Variants in FUBP3 observed in about 807,000 individuals in gnomAD.
The protein encoded by FUBP3 is far upstream element binding protein 3.
FUBP3 carries 28 observed loss-of-function variants against 85.6 expected under a neutral mutation model. The ratio of observed to expected loss-of-function variants is 0.33; its 90% CI spans 0.24 to 0.45. The LOEUF (loss-of-function observed/expected upper bound fraction) is 0.45. Among genes scored for constraint, FUBP3 ranks in the 20% least tolerant of loss-of-function variants. The pLI is 1.00. For missense variants in FUBP3, 583 were observed against 755.1 expected (o/e 0.77, Z 2.67); for synonymous variants, 271 against 271.4 (o/e 1.00, Z 0.01).
intron 12 of FUBP3, among the ~76,000 whole-genome samples, chr9:130,629,077 A>G (rs1166164958): frequency 1.3e-5 from 2 of 152,164 alleles, no homozygotes; most frequent in African/African-American, 4.8e-5. Context: ...CCAAGTCTCT[A>G]TTCTTTATTG....
chr9:130,629,929 T>C (rs1830144304), intron 12 of FUBP3, among the ~76,000 whole-genome samples: 1 of 152,232 alleles, frequency 6.6e-6, no homozygotes, highest in African/African-American at 2.4e-5. Flanking sequence ...GGAGCTTTTA[T>C]TACGCAAATT....
At position 130,638,003 on chromosome 9, in the gene FUBP3, ATAATTT is replaced by A. The variant is rs1830473131; in HGVS notation, c.*983_*988del. ...TAGTATTAACCGCATTATGAATTAAATAATTTTGATTTAATGAAAGGGATAATATGA... is the reference window on the plus strand; with the variant it reads ...TAGTATTAACCGCATTATGAATTAAATGATTTAATGAAAGGGATAATATGA... On this transcript the variant is annotated 3_prime_UTR_variant, in exon 19 of 19. Transcript: ENST00000319725. The A allele has an allele frequency of 6.6e-6, 1 of 152,598 alleles. No individual in the cohort carries two copies. The highest frequency in any genetic ancestry group is 2.4e-5 in the African/African-American group (1 of 41,432). 9.5% of individuals were successfully genotyped at this position (152,598 alleles called of 1,614,324 possible). A position where few individuals can be genotyped will look rare whatever the true frequency, so the allele number is the denominator to read the frequency against.
Position 130,637,327 on chromosome 9 carries a change from GT to G in FUBP3, c.*309del. 1 of 363,830 alleles carries G rather than the reference GT, an allele frequency of 2.7e-6. No homozygotes were observed. The highest frequency in any genetic ancestry group is 5.1e-6 in the Non-Finnish European group (1 of 197,236). The allele number at this position is 363,830 out of a possible 1,614,324, so 22.5% of individuals were successfully genotyped here. A position where few individuals can be genotyped will look rare whatever the true frequency, so the allele number is the denominator to read the frequency against. ...AGAGCTGTGACATTTCAACATGATG[GT>G]TTTGGTTTGGTTTGGTTTTGTGTCC... On this transcript the variant is annotated 3_prime_UTR_variant, in exon 19 of 19. Transcript: ENST00000319725.
At chr9:130,604,765 G>A (rs2119052935) in intron 2 of FUBP3, among the ~76,000 whole-genome samples, 1 of 152,268 alleles carries the variant, frequency 6.6e-6, no homozygotes, top group African/African-American at 2.4e-5. Context: ...GGGCATGGTG[G>A]TGCGCGCCTT....
In FUBP3 at chr9:130,590,493, C is replaced by T. The variant is rs781001189; in HGVS notation, c.85-4990C>T. 3.7e-4 allele frequency among the ~76,000 whole-genome samples: 56 copies of T among 152,322 alleles called. 1 individual carries two copies. The highest frequency in any genetic ancestry group is 6.8e-3 in the Middle Eastern group (2 of 294). ...GTAGTGAGATAACCCATTTGCCTCCCCCTGAAAAGGGGGAAAATAACTTGT... is the reference window on the plus strand; with the variant it reads ...GTAGTGAGATAACCCATTTGCCTCCTCCTGAAAAGGGGGAAAATAACTTGT... On this transcript the variant is annotated intron_variant, in intron 1 of 18. Coordinates refer to ENST00000319725, the MANE Select transcript of FUBP3 (RefSeq NM_003934.2).
At chr9:130,619,622 AC>A (rs1829652656) in intron 8 of FUBP3, among the ~76,000 whole-genome samples, 2 of 152,188 alleles carry the variant, frequency 1.3e-5, no homozygotes, top group African/African-American at 4.8e-5. Flanking sequence ...CACAGTTCTC[AC>A]ATTCCCTTGA....
intron 2 of FUBP3, among the ~76,000 whole-genome samples, chr9:130,599,081 A>G (rs1406645622): frequency 6.6e-6 from 1 of 152,226 alleles, no homozygotes; most frequent in Non-Finnish European, 1.5e-5. Context: ...TCACGAGGTC[A>G]GGAGATTGAG....
At chr9:130,629,845 CCA>C (rs1276172676) in intron 12 of FUBP3, among the ~76,000 whole-genome samples, 1 of 152,230 alleles carries the variant, frequency 6.6e-6, no homozygotes, top group Non-Finnish European at 1.5e-5. Context: ...ACTCCATCCC[CCA>C]CAGAGTTGAG....
chr9:130,592,333 T>C (rs1229110298), intron 1 of FUBP3, among the ~76,000 whole-genome samples: 1 of 152,246 alleles, frequency 6.6e-6, no homozygotes, highest in Non-Finnish European at 1.5e-5. Context: ...TTTTGTTTTG[T>C]TTTTGAGTCA....
chr9:130,630,206 T>C (rs1175130863), intron 12 of FUBP3, among the ~76,000 whole-genome samples: 1 of 152,232 alleles, frequency 6.6e-6, no homozygotes, highest in African/African-American at 2.4e-5. Flanking sequence ...CCCATTGTCA[T>C]GGAGGCGCCC....
chr9:130,606,706 G>A (rs932642040), intron 2 of FUBP3, among the ~76,000 whole-genome samples: 2 of 152,132 alleles, frequency 1.3e-5, no homozygotes, highest in Non-Finnish European at 2.9e-5. Context: ...TGTAATCCCA[G>A]CTACTCGGGA....
At chr9:130,588,662 T>C (rs1008512894) in intron 1 of FUBP3, among the ~76,000 whole-genome samples, 1 of 152,214 alleles carries the variant, frequency 6.6e-6, no homozygotes, top group African/African-American at 2.4e-5. Flanking sequence ...GTAAGGAGAA[T>C]AGTAGCTACT....
chr9:130,614,421 C>CT (rs1351410679), intron 6 of FUBP3, 76 bp downstream of exon 6: 5 of 890,444 alleles, frequency 5.6e-6, no homozygotes, highest in Non-Finnish European at 9.2e-6. Flanking sequence ...AAGGGCAACA[C>CT]TGTTACTGAA....
chr9:130,615,123 C>T (rs529366461), intron 6 of FUBP3, among the ~76,000 whole-genome samples: 1 of 152,264 alleles, frequency 6.6e-6, no homozygotes, highest in African/African-American at 2.4e-5. Flanking sequence ...CTTGTTCTGC[C>T]ATCACATTGC....
intron 2 of FUBP3, chr9:130,596,512 G>T (rs560223548): frequency 1.3e-5 from 2 of 153,498 alleles, no homozygotes; most frequent in East Asian, 2.0e-4. Context: ...AGGAATTCTT[G>T]TTTTTTTTTT....
chr9:130,595,045 G>A (rs1273568279), intron 1 of FUBP3, among the ~76,000 whole-genome samples: 1 of 151,870 alleles, frequency 6.6e-6, no homozygotes, highest in Non-Finnish European at 1.5e-5. Flanking sequence ...TGACCAACAT[G>A]GAGAAACCCT....
At chr9:130,605,838 G>A (rs1222224142) in intron 2 of FUBP3, among the ~76,000 whole-genome samples, 2 of 152,204 alleles carry the variant, frequency 1.3e-5, no homozygotes, top group East Asian at 3.8e-4. Context: ...ACAAAAATTA[G>A]CCAGGCATGG....
At position 130,612,478 on chromosome 9, in the gene FUBP3, A is replaced by G. The variant is rs1243034105; in HGVS notation, c.247A>G (p.Lys83Glu). 6 of 1,598,226 alleles carry G rather than the reference A, an allele frequency of 3.8e-6. No individual in the cohort carries two copies. Among genetic ancestry groups the G allele is most frequent in the East Asian group, 2.2e-5 (1 of 44,812 alleles). Residue 83 changes from lysine (K) to glutamate (E), a missense_variant, in exon 4 of 19, where the codon AAA (lysine) becomes GAA (glutamate). Coordinates refer to ENST00000319725, the MANE Select transcript of FUBP3 (RefSeq NM_003934.2). This position sits in a 1 kb window ranked among gnomAD's most constrained non-coding sequence, Gnocchi z 4.1. ...HQRTVITEEFKVPDKMVGFII... is the reference protein window; with the variant it reads ...HQRTVITEEFEVPDKMVGFII... ...TAGGACGGTAATAACGGAAGAATTCAAAGTGCCTGACAAAATGGTTGGATT... is the reference window on the plus strand; with the variant it reads ...TAGGACGGTAATAACGGAAGAATTCGAAGTGCCTGACAAAATGGTTGGATT...
intron 2 of FUBP3, among the ~76,000 whole-genome samples, chr9:130,606,546 C>G (rs10793947): frequency 1.3e-5 from 2 of 151,792 alleles, no homozygotes; most frequent in Non-Finnish European, 2.9e-5. Context: ...TGTGGCCGGG[C>G]GCGGTGGCTC....
Sources: gnomAD v4.1 joint callset for allele counts (sites outside exome capture counted in the v4.1 genomes callset) on GRCh38, gnomAD v4.1.1 for gene constraint, Gnocchi (gnomAD v3.1) non-coding constraint, MANE v1.5 for transcripts, NCBI Gene and HGNC (gene_info 2026-07-23, HGNC 2026-07-21) for gene names.